The following DNAJA3 variants were observed in gnomAD, a reference collection of about 807,000 sequenced individuals.
The protein encoded by DNAJA3 is dnaJ homolog subfamily A member 3, mitochondrial.
A neutral mutation model predicts 54.9 loss-of-function variants in DNAJA3; 29 were observed. The observed-to-expected ratio is 0.53, with a 90% CI of 0.39 to 0.72. The LOEUF (loss-of-function observed/expected upper bound fraction) is 0.72, where lower values mean the gene tolerates loss of function less well. Ranked by LOEUF, DNAJA3 falls within the 30% of genes least tolerant of loss-of-function variation. The pLI is 0.00. For synonymous variants in DNAJA3, 302 were observed against 251.4 expected, an observed-to-expected ratio of 1.20 and a Z score of -1.90; for missense variants, 708 against 639.4, an observed-to-expected ratio of 1.11 and a Z score of -1.16.
At position 4,441,378 on chromosome 16, in the gene DNAJA3, T is replaced by G. The variant is rs749350734; in HGVS notation, c.433T>G (p.Leu145Val). 1 of 1,611,752 alleles carries G rather than the reference T, an allele frequency of 6.2e-7. No homozygotes were observed. The highest frequency in any genetic ancestry group is 8.5e-7 in the Non-Finnish European group (1 of 1,178,928). Residue 145 changes from leucine (L) to valine (V), a missense_variant, in exon 4 of 12, where the codon TTG becomes GTG. Transcript: ENST00000262375. ...GTGGCTCTGCCTTTCACTGTAGGTTTTGAGTGATGAGGTGAAGAGGAAGCA... is the reference window on the plus strand; with the variant it reads ...GTGGCTCTGCCTTTCACTGTAGGTTGTGAGTGATGAGGTGAAGAGGAAGCA... ...FSQLAEAYEV[L>V]SDEVKRKQYD... is the part of the protein sequence containing the mutation.
At chr16:4,439,957 G>A (rs2141380095) in intron 3 of DNAJA3, among the ~76,000 whole-genome samples, 1 of 152,028 alleles carries the variant, frequency 6.6e-6, no homozygotes, top group South Asian at 2.1e-4. Flanking sequence ...TTTTGAGATA[G>A]TGTCTCACTT....
chr16:4,434,326 C>G (rs953710188), intron 1 of DNAJA3, 58 bp from the exon 2 acceptor site: 1 of 1,582,656 alleles, frequency 6.3e-7, no homozygotes, highest in Non-Finnish European at 8.6e-7. Context: ...CATGTACTCA[C>G]AGTTTTCTTT....
chr16:4,449,358 G>C (rs538042660), intron 9 of DNAJA3, among the ~76,000 whole-genome samples: 1 of 152,068 alleles, frequency 6.6e-6, no homozygotes, highest in South Asian at 2.1e-4. Context: ...GAATTGCTTT[G>C]CTGCTGCTGC....
At chr16:4,449,210 G>C (rs926022078) in intron 9 of DNAJA3, among the ~76,000 whole-genome samples, 2 of 151,542 alleles carry the variant, frequency 1.3e-5, no homozygotes, top group South Asian at 2.1e-4. Context: ...GTTAGCCAGA[G>C]TGGCCTCAAT....
rs1042438352 is a variant in DNAJA3 at position 4,441,697 on chromosome 16, G to T, written c.630+122G>T. 2.0e-5 allele frequency: 18 copies of T among 893,244 alleles called. No homozygotes were observed. The African/African-American group carries it at 2.9e-4, about 14-fold the overall frequency. The allele number at this position is 893,244 out of a possible 1,614,324, so 55.3% of individuals were successfully genotyped here. ...GCTTAAATGGAGTGATCTGGAGGCA[G>T]CCATTTTAGTAGAAAATAATTTCAG... On this transcript the variant is annotated intron_variant, in intron 4 of 11. Coordinates refer to ENST00000262375, the MANE Select transcript of DNAJA3 (RefSeq NM_005147.6).
intron 1 of DNAJA3, 110 bp from the exon 2 acceptor site, chr16:4,434,274 T>G (rs2056743907): frequency 7.9e-7 from 1 of 1,268,142 alleles, no homozygotes; most frequent in South Asian, 1.3e-5. Context: ...CAGCCAAACC[T>G]TATCAGTTTG....
intron 1 of DNAJA3, among the ~76,000 whole-genome samples, chr16:4,429,651 A>G (rs2056669506): frequency 2.6e-5 from 4 of 152,206 alleles, no homozygotes. Context: ...CCTGATCAAC[A>G]TGGAGAAACC....
Position 4,444,689 on chromosome 16 carries a change from G to A in DNAJA3, c.957G>A (p.Arg319=), listed in dbSNP as rs1170017445. Residue 319 remains arginine (R), a synonymous_variant, in exon 7 of 12, where the codon AGG becomes AGA. Coordinates refer to ENST00000262375, the MANE Select transcript of DNAJA3 (RefSeq NM_005147.6). ...PAGVEDGQTV[R]MPVGKREIFI... The stretch of plus-strand genomic sequence containing the variant: ...GAGTCGAGGATGGCCAGACCGTGAG[G>A]ATGCCTGTGGGAAAAAGGGAAATTT... 3.7e-6 allele frequency: 6 copies of A among 1,614,076 alleles called. No individual in the cohort carries two copies. The Admixed American group carries it at 8.3e-5, about 22-fold the overall frequency.
chr16:4,444,603 G>A, intron 6 of DNAJA3, 61 bp from the exon 7 acceptor site: 1 of 1,477,486 alleles, frequency 6.8e-7, no homozygotes. Context: ...CAAAGTGCTG[G>A]GATTACAGGC....
intron 3 of DNAJA3, chr16:4,440,674 AT>A (rs1269214001): frequency 1.3e-5 from 2 of 151,668 alleles, no homozygotes; most frequent in Non-Finnish European, 2.9e-5. Flanking sequence ...GTTAGTCCTT[AT>A]TAACAGTTTT....
intron 4 of DNAJA3, 26 bp from the exon 5 acceptor site, chr16:4,442,242 G>C (rs763058425): frequency 6.5e-7 from 1 of 1,543,040 alleles, no homozygotes. Context: ...AACAAAAGTT[G>C]ACAGGCTGTC....
chr16:4,436,198 G>C (rs544209107), intron 2 of DNAJA3, among the ~76,000 whole-genome samples: 15 of 152,206 alleles, frequency 9.9e-5, no homozygotes, highest in Non-Finnish European at 1.9e-4. Context: ...GTAATGGAAT[G>C]AACAGAGGCA....
In DNAJA3 at chr16:4,443,140, C is replaced by A; in HGVS notation, c.907C>A (p.Arg303=). 1 of 1,613,942 alleles carries A rather than the reference C, an allele frequency of 6.2e-7. No homozygotes were observed. The highest frequency in any genetic ancestry group is 1.1e-5 in the South Asian group (1 of 91,066). The change falls in exon 6 of 12, where the codon CGA becomes AGA. Residue 303 remains arginine, a synonymous_variant. Transcript: ENST00000262375. ...RGAGQAKQKK[R]VMIPVPAGVE... is the part of the protein sequence containing the mutation. Reference sequence around the variant, plus strand: ...AGCAGGACAAGCCAAGCAGAAAAAGCGAGTGATGATCCCTGTGCCTGCAGG... The same window carrying A: ...AGCAGGACAAGCCAAGCAGAAAAAGAGAGTGATGATCCCTGTGCCTGCAGG...
chr16:4,443,138 A>G lies in DNAJA3; in HGVS notation c.905A>G (p.Lys302Arg). ...GGAGCAGGACAAGCCAAGCAGAAAAAGCGAGTGATGATCCCTGTGCCTGCA... is the reference window on the plus strand; with the variant it reads ...GGAGCAGGACAAGCCAAGCAGAAAAGGCGAGTGATGATCCCTGTGCCTGCA... The part of the protein sequence containing the change: ...CRGAGQAKQK[K>R]RVMIPVPAGV... The change falls in exon 6 of 12, where the codon AAG (lysine) becomes AGG (arginine). Residue 302 changes from lysine (K) to arginine (R), a missense_variant. By Grantham distance (26) the Lys-to-Arg change is conservative. Transcript: ENST00000262375. 6.2e-7 allele frequency: 1 copy of G among 1,613,962 alleles called. No homozygotes were observed. Among genetic ancestry groups the G allele is most frequent in the East Asian group, 2.2e-5 (1 of 44,866 alleles).
At chr16:4,454,123 G>C (rs549032397) in intron 10 of DNAJA3, among the ~76,000 whole-genome samples, 2 of 152,218 alleles carry the variant, frequency 1.3e-5, no homozygotes, top group African/African-American at 4.8e-5. Flanking sequence ...CTTGCTCAGG[G>C]AGATAGACTG....
At chr16:4,442,464 T>C in intron 5 of DNAJA3, 44 bp downstream of exon 5, 1 of 1,528,612 alleles carries the variant, frequency 6.5e-7, no homozygotes, top group East Asian at 2.4e-5. Flanking sequence ...CTTGCACCAC[T>C]GACTGAGAAG....
chr16:4,438,845 G>T (rs182543378), intron 3 of DNAJA3, among the ~76,000 whole-genome samples: 37 of 152,090 alleles, frequency 2.4e-4, no homozygotes, highest in Non-Finnish European at 3.7e-4. Context: ...AGACAGCCAC[G>T]TAGAAGAACA....
At chr16:4,440,315 GCACGGTGGCT>G (rs956973749) in intron 3 of DNAJA3, 4 of 152,198 alleles carry the variant, frequency 2.6e-5, no homozygotes, top group African/African-American at 7.2e-5. Context: ...TGAGGGCCAG[GCACGGTGGCT>G]CACGCTTGTA....
chr16:4,426,131 G>T (rs2056619440), intron 1 of DNAJA3, 39 bp downstream of exon 1: 1 of 1,504,396 alleles, frequency 6.6e-7, no homozygotes, highest in Non-Finnish European at 8.9e-7. Context: ...CGGTTTCAGG[G>T]CCTAGAAAAG....
Sources: gnomAD v4.1 joint callset for allele counts (sites outside exome capture counted in the v4.1 genomes callset) on GRCh38, gnomAD v4.1.1 for gene constraint, MANE v1.5 for transcripts, NCBI Gene and HGNC (gene_info 2026-07-23, HGNC 2026-07-21) for gene names.